The following TMC1 variants were observed in gnomAD, a reference collection of about 807,000 sequenced individuals.
The protein encoded by TMC1 is transmembrane channel-like protein 1.
Under a neutral mutation model 105.8 loss-of-function variants are expected in TMC1, and 84 were observed. That is an observed-to-expected ratio of 0.79 (90% CI 0.67 to 0.95). The LOEUF is 0.95. Ranked by LOEUF, TMC1 falls within the 40% of genes least tolerant of loss-of-function variation. The pLI is 0.00. For missense variants in TMC1, 817 were observed against 914.1 expected (o/e 0.89, Z 1.37); for synonymous variants, 315 against 311.5 (o/e 1.01, Z -0.12).
chr9:72,821,137 G>A, intron 20 of TMC1, 56 bp downstream of exon 20: 2 of 1,612,272 alleles, frequency 1.2e-6, no homozygotes, highest in Non-Finnish European at 1.7e-6. Context: ...GGTGGAGGTG[G>A]GAATGGTCAT....
intron 6 of TMC1, 38 bp from the exon 7 acceptor site, chr9:72,694,505 T>G (rs757711775): frequency 6.2e-7 from 1 of 1,600,604 alleles, no homozygotes; most frequent in East Asian, 2.3e-5. Flanking sequence ...GAGGAAGCAC[T>G]TTCTGACATT....
At chr9:72,630,952 T>C (rs1825439093) in intron 4 of TMC1, among the ~76,000 whole-genome samples, 2 of 151,790 alleles carry the variant, frequency 1.3e-5, no homozygotes, top group South Asian at 2.1e-4. Flanking sequence ...TACTGCAGCC[T>C]CTGCCTCCGG....
intron 8 of TMC1, among the ~76,000 whole-genome samples, chr9:72,732,160 T>A (rs924842052): frequency 1.2e-4 from 18 of 152,204 alleles, no homozygotes; most frequent in African/African-American, 4.1e-4. Flanking sequence ...TTGCCTAGTC[T>A]TTGATCATTG....
At chr9:72,833,190 A>G (rs1269400944) in intron 23 of TMC1, among the ~76,000 whole-genome samples, 1 of 152,156 alleles carries the variant, frequency 6.6e-6, no homozygotes, top group Non-Finnish European at 1.5e-5. Flanking sequence ...ATTATTATGG[A>G]CACACAGTCT....
chr9:72,735,966 GT>G (rs1827291479), intron 8 of TMC1, among the ~76,000 whole-genome samples: 2 of 152,174 alleles, frequency 1.3e-5, no homozygotes, highest in South Asian at 2.1e-4. Flanking sequence ...TAAAATGGCT[GT>G]TCAGGGACCT....
intron 12 of TMC1, among the ~76,000 whole-genome samples, chr9:72,766,210 G>A (rs2118105462): frequency 6.6e-6 from 1 of 152,146 alleles, no homozygotes; most frequent in African/African-American, 2.4e-5. Flanking sequence ...AAGGTCAGGA[G>A]ATCGAGACCA....
chr9:72,658,829 A>G (rs1825925282), intron 5 of TMC1, among the ~76,000 whole-genome samples: 1 of 152,232 alleles, frequency 6.6e-6, no homozygotes, highest in Non-Finnish European at 1.5e-5. Context: ...CCTTCGGGAA[A>G]ATACGTAATC....
chr9:72,664,037 T>C (rs1021139867), intron 5 of TMC1, among the ~76,000 whole-genome samples: 1 of 152,216 alleles, frequency 6.6e-6, no homozygotes, highest in Non-Finnish European at 1.5e-5. Flanking sequence ...TCTCGTCTCC[T>C]GTGTTAACAA....
At chr9:72,814,746 G>T (rs867910853) in intron 18 of TMC1, among the ~76,000 whole-genome samples, 12 of 152,314 alleles carry the variant, frequency 7.9e-5, no homozygotes, top group South Asian at 4.1e-4. Context: ...ATGAAGTTGA[G>T]GCCTGGATTC....
chr9:72,680,808 C>T (rs1826274412), intron 5 of TMC1, among the ~76,000 whole-genome samples: 1 of 152,154 alleles, frequency 6.6e-6, no homozygotes, highest in African/African-American at 2.4e-5. Flanking sequence ...TGAACAAAAG[C>T]AGTGCTACAA....
chr9:72,620,875 G>C (rs1002529943), intron 3 of TMC1, among the ~76,000 whole-genome samples: 6 of 152,294 alleles, frequency 3.9e-5, no homozygotes, highest in African/African-American at 1.4e-4. Context: ...AAATGTCCCT[G>C]CAAATATTAT....
chr9:72,629,496 T>C (rs948041325), intron 4 of TMC1, among the ~76,000 whole-genome samples: 2 of 152,124 alleles, frequency 1.3e-5, no homozygotes, highest in African/African-American at 4.8e-5. Flanking sequence ...CTAATAGGAA[T>C]ATTAATGATT....
At chr9:72,741,792 T>C (rs1588059672) in intron 9 of TMC1, among the ~76,000 whole-genome samples, 1 of 152,210 alleles carries the variant, frequency 6.6e-6, no homozygotes, top group South Asian at 2.1e-4. Context: ...TTCCTGGTGG[T>C]CCTCTTGACT....
At chr9:72,769,017 A>G (rs1827883090) in intron 12 of TMC1, among the ~76,000 whole-genome samples, 1 of 151,930 alleles carries the variant, frequency 6.6e-6, no homozygotes, top group Non-Finnish European at 1.5e-5. Context: ...CCTTTCTTTC[A>G]CTGAGAAGGT....
At chr9:72,755,002 C>T (rs376856662) in intron 12 of TMC1, 118 bp downstream of exon 12, 3 of 505,610 alleles carry the variant, frequency 5.9e-6, no homozygotes. Flanking sequence ...AAAGACGTCC[C>T]TGCTCCCTTT....
intron 4 of TMC1, among the ~76,000 whole-genome samples, chr9:72,630,974 TA>T (rs1193333578): frequency 1.3e-5 from 2 of 152,126 alleles, no homozygotes; most frequent in Non-Finnish European, 2.9e-5. Context: ...TTCAATCAAT[TA>T]TTCTACCTCA....
chr9:72,814,965 T>A (rs1253389098), intron 18 of TMC1, among the ~76,000 whole-genome samples: 2 of 147,490 alleles, frequency 1.4e-5, no homozygotes, highest in Non-Finnish European at 3.0e-5. Context: ...GGAGCTGTTA[T>A]GGGGATATGT....
At chr9:72,663,210 C>T (rs912383609) in intron 5 of TMC1, among the ~76,000 whole-genome samples, 3 of 152,050 alleles carry the variant, frequency 2.0e-5, no homozygotes, top group African/African-American at 7.2e-5. Context: ...CAAGTCCACT[C>T]CTTTTCTTAG....
intron 8 of TMC1, among the ~76,000 whole-genome samples, chr9:72,717,166 G>A (rs149305674): frequency 2.4e-3 from 358 of 152,318 alleles, no homozygotes; most frequent in Non-Finnish European, 3.7e-3. Flanking sequence ...CTTCTGCATC[G>A]ATCTTGCTGA....
Sources: gnomAD v4.1 joint callset for allele counts (sites outside exome capture counted in the v4.1 genomes callset) on GRCh38, gnomAD v4.1.1 for gene constraint, MANE v1.5 for transcripts, NCBI Gene and HGNC (gene_info 2026-07-23, HGNC 2026-07-21) for gene names.